Variants in TMEM135 observed in about 807,000 individuals in gnomAD.
The protein encoded by TMEM135 is transmembrane protein 135.
Under a neutral mutation model 60.3 loss-of-function variants are expected in TMEM135, and 30 were observed. The observed-to-expected ratio is 0.50, with a 90% CI of 0.37 to 0.68. The LOEUF is 0.68. TMEM135 is among the 30% of genes least tolerant of loss of function. The pLI, the probability that TMEM135 is intolerant of heterozygous loss-of-function variation, is 0.00. For missense variants in TMEM135, 468 were observed against 548.8 expected (o/e 0.85, Z 1.47); for synonymous variants, 190 against 186.7 (o/e 1.02, Z -0.14).
At chr11:87,228,830 CTG>C (rs1297786940) in intron 5 of TMEM135, among the ~76,000 whole-genome samples, 1 of 152,132 alleles carries the variant, frequency 6.6e-6, no homozygotes. Context: ...CTTTAACAGG[CTG>C]TGTTTACCTT....
At chr11:87,254,632 A>G (rs558343988) in intron 6 of TMEM135, among the ~76,000 whole-genome samples, 3 of 152,238 alleles carry the variant, frequency 2.0e-5, no homozygotes, top group African/African-American at 4.8e-5. Context: ...TGCAGTGCCA[A>G]TGCTACTATA....
At chr11:87,247,788 C>G (rs529016) in intron 6 of TMEM135, among the ~76,000 whole-genome samples, 99,774 of 151,522 alleles carry the variant, frequency 0.66, 33,417 homozygotes, top group Non-Finnish European at 0.71. Context: ...AAAGGGAACT[C>G]CCTGATCCCT....
chr11:87,215,046 T>C (rs530294530), intron 5 of TMEM135, among the ~76,000 whole-genome samples: 1 of 152,264 alleles, frequency 6.6e-6, no homozygotes, highest in African/African-American at 2.4e-5. Flanking sequence ...TTTGGGACTC[T>C]TTAAAATATA....
chr11:87,101,919 G>A (rs912220020), intron 4 of TMEM135, among the ~76,000 whole-genome samples: 8 of 152,186 alleles, frequency 5.3e-5, no homozygotes, highest in African/African-American at 1.9e-4. Flanking sequence ...GTTGCATTAA[G>A]CTGAGATCAC....
Position 87,212,277 on chromosome 11 carries a change from G to A in TMEM135, c.463-24361G>A, listed in dbSNP as rs147230110. 1.4e-4 allele frequency among the ~76,000 whole-genome samples: 22 copies of A among 151,982 alleles called. No individual in the cohort carries two copies. The East Asian group carries it at 3.7e-3, about 25-fold the overall frequency. On this transcript the variant is annotated intron_variant, in intron 5 of 14. Coordinates refer to ENST00000305494, the MANE Select transcript of TMEM135 (RefSeq NM_022918.4). ...TTTTCTAGTGAATGGTAGTAACTGT[G>A]AATACCTCTCGCCCCAATTGTGAGA...
chr11:87,289,226 A>T (rs1169618264), intron 6 of TMEM135, among the ~76,000 whole-genome samples: 1 of 152,122 alleles, frequency 6.6e-6, no homozygotes, highest in Non-Finnish European at 1.5e-5. Context: ...GTTTTAATAC[A>T]TATATAGTTA....
At chr11:87,151,211 A>T (rs987824264) in intron 4 of TMEM135, among the ~76,000 whole-genome samples, 2 of 152,080 alleles carry the variant, frequency 1.3e-5, no homozygotes, top group African/African-American at 2.4e-5. Context: ...GAAATATCCT[A>T]GTGTAATTTT....
At chr11:87,195,959 C>G (rs76207912) in intron 5 of TMEM135, among the ~76,000 whole-genome samples, 5,664 of 152,012 alleles carry the variant, frequency 0.037, 309 homozygotes, top group African/African-American at 0.12. Flanking sequence ...ATACCATTAA[C>G]TTAGTTTGAC....
At chr11:87,195,385 C>CTCT (rs1386243376) in intron 5 of TMEM135, among the ~76,000 whole-genome samples, 5 of 91,502 alleles carry the variant, frequency 5.5e-5, no homozygotes, top group African/African-American at 2.0e-4. Flanking sequence ...TTCCTTCCTT[C>CTCT]CTTCCTTCTC....
chr11:87,081,327 A>G (rs1211765925), intron 3 of TMEM135, among the ~76,000 whole-genome samples: 1 of 149,530 alleles, frequency 6.7e-6, no homozygotes, highest in African/African-American at 2.5e-5. Context: ...TTAGAATTCC[A>G]CTGTAATTTT....
intron 5 of TMEM135, among the ~76,000 whole-genome samples, chr11:87,167,086 C>T (rs374475525): frequency 6.6e-6 from 1 of 152,016 alleles, no homozygotes; most frequent in Admixed American, 6.6e-5. Context: ...TGGGCATTTG[C>T]TCAAGATTTG....
chr11:87,239,429 A>G (rs1312432942), intron 6 of TMEM135, among the ~76,000 whole-genome samples: 2 of 151,660 alleles, frequency 1.3e-5, no homozygotes, highest in Non-Finnish European at 2.9e-5. Flanking sequence ...TTGGGAATGA[A>G]CAAACACTAT....
intron 5 of TMEM135, among the ~76,000 whole-genome samples, chr11:87,180,300 G>A (rs1023296762): frequency 6.6e-6 from 1 of 152,054 alleles, no homozygotes; most frequent in East Asian, 1.9e-4. Context: ...CGGGAAAAAC[G>A]GGCCCCTGTA....
intron 4 of TMEM135, among the ~76,000 whole-genome samples, chr11:87,094,509 C>A (rs1233475481): frequency 2.6e-5 from 4 of 152,176 alleles, no homozygotes; most frequent in Non-Finnish European, 4.4e-5. Flanking sequence ...CTACTTCTTT[C>A]AATTCCCTCC....
intron 5 of TMEM135, among the ~76,000 whole-genome samples, chr11:87,199,802 C>T (rs1025376263): frequency 1.3e-4 from 20 of 152,154 alleles, no homozygotes; most frequent in African/African-American, 1.4e-4. Context: ...TGGTGGCACG[C>T]GCCTGTAATC....
At chr11:87,147,907 A>G (rs1009176963) in intron 4 of TMEM135, among the ~76,000 whole-genome samples, 1 of 152,114 alleles carries the variant, frequency 6.6e-6, no homozygotes, top group Admixed American at 6.6e-5. Flanking sequence ...ACAGGCACGC[A>G]CCACCATGCC....
In TMEM135 at chr11:87,326,675, T is replaced by C. The variant is rs1428976903; in HGVS notation, c.*5342T>C. The C allele has an allele frequency of 6.6e-6, 3 of 453,864 alleles. No homozygotes were observed. Among genetic ancestry groups the C allele is most frequent in the Non-Finnish European group, 1.3e-5 (3 of 226,770 alleles). The allele number at this position is 453,864 out of a possible 1,614,324, so 28.1% of individuals were successfully genotyped here. A position where few individuals can be genotyped will look rare whatever the true frequency, so the allele number is the denominator to read the frequency against. ...CATATCTTTGCTATGTATTTCTTCA[T>C]CTTGAGCTCTCAAGGGAAAAAACAG... On this transcript the variant is annotated 3_prime_UTR_variant, in exon 15 of 15. Transcript: ENST00000305494.
intron 4 of TMEM135, among the ~76,000 whole-genome samples, chr11:87,140,250 G>A (rs59934764): frequency 0.034 from 5,117 of 151,896 alleles, 257 homozygotes; most frequent in African/African-American, 0.11. Context: ...TGTATTTTTA[G>A]TAGAGATGGG....
chr11:87,262,550 T>C (rs1941672951), intron 6 of TMEM135, among the ~76,000 whole-genome samples: 1 of 152,220 alleles, frequency 6.6e-6, no homozygotes, highest in African/African-American at 2.4e-5. Flanking sequence ...AATTTATTGC[T>C]CTGATTTGTA....
Sources: gnomAD v4.1 joint callset for allele counts (sites outside exome capture counted in the v4.1 genomes callset) on GRCh38, gnomAD v4.1.1 for gene constraint, MANE v1.5 for transcripts, NCBI Gene and HGNC (gene_info 2026-07-23, HGNC 2026-07-21) for gene names.